The following PIEZO2 variants were observed in gnomAD, a reference collection of about 807,000 sequenced individuals.
The protein encoded by PIEZO2 is piezo type mechanosensitive ion channel component 2.
A neutral mutation model predicts 337.3 loss-of-function variants in PIEZO2; 172 were observed. The observed-to-expected ratio is 0.51, with a 90% CI of 0.45 to 0.58. The LOEUF (loss-of-function observed/expected upper bound fraction) is 0.58. Among genes scored for constraint, PIEZO2 ranks in the 20% least tolerant of loss-of-function variants. The pLI is 0.00. For synonymous variants in PIEZO2, 1,251 were observed against 1,228.5 expected, an observed-to-expected ratio of 1.02 and a Z score of -0.38; for missense variants, 3,028 against 3,391.3, an observed-to-expected ratio of 0.89 and a Z score of 2.66.
chr18:10,828,202 A>G lies in PIEZO2; in HGVS notation c.918-20928T>C, dbSNP rs906620616. ...GTAGTCATAAGTATCACTTAGCTTC[A>G]AAGTTCAACAGTTTGAGACAGGATG... On this transcript the variant is annotated intron_variant, in intron 7 of 55. Coordinates refer to ENST00000674853, the MANE Select transcript of PIEZO2 (RefSeq NM_001378183.1). The surrounding 1 kb of genome is among the most constrained non-coding windows in gnomAD (Gnocchi z 4.1). 2.6e-5 allele frequency among the ~76,000 whole-genome samples: 4 copies of G among 151,750 alleles called. No homozygotes were observed. Among genetic ancestry groups the G allele is most frequent in the African/African-American group, 9.7e-5 (4 of 41,294 alleles).
intron 3 of PIEZO2, among the ~76,000 whole-genome samples, chr18:10,917,131 AGGTC>A (rs199691145): frequency 6.0e-5 from 1 of 16,666 alleles, no homozygotes; most frequent in Non-Finnish European, 1.0e-4. Flanking sequence ...CATAGACAAA[AGGTC>A]GGTCACCCAC....
intron 2 of PIEZO2, among the ~76,000 whole-genome samples, chr18:11,018,162 A>G (rs535181005): frequency 3.8e-4 from 56 of 148,314 alleles, no homozygotes; most frequent in African/African-American, 1.4e-3. Context: ...TTGCAGCTGC[A>G]TTACTCCGGT....
At position 10,862,380 on chromosome 18, in the gene PIEZO2, A is replaced by AG. The variant is rs566934302; in HGVS notation, c.493-5170dup. 2.4e-4 allele frequency among the ~76,000 whole-genome samples: 36 copies of AG among 152,278 alleles called. No homozygotes were observed. The highest frequency in any genetic ancestry group is 7.7e-4 in the African/African-American group (32 of 41,556). ...ACACAAGGCCAGCCTGTTCTCTGTTAGGGCCCTGAATGAGGGCCTAAACAC... is the reference window on the plus strand; with the variant it reads ...ACACAAGGCCAGCCTGTTCTCTGTTAGGGGCCCTGAATGAGGGCCTAAACAC... On this transcript the variant is annotated intron_variant, in intron 5 of 55. Coordinates refer to ENST00000674853, the MANE Select transcript of PIEZO2 (RefSeq NM_001378183.1). This position sits in a 1 kb window ranked among gnomAD's most constrained non-coding sequence, Gnocchi z 4.4.
At chr18:10,720,405 AT>A (rs2036243832) in intron 36 of PIEZO2, among the ~76,000 whole-genome samples, 1 of 11,602 alleles carries the variant, frequency 8.6e-5, no homozygotes, top group Non-Finnish European at 1.5e-4. Flanking sequence ...GTGTGTGTGT[AT>A]GTGTATGTGT....
At chr18:10,740,683 A>G (rs2144148818) in intron 33 of PIEZO2, 1 of 389,272 alleles carries the variant, frequency 2.6e-6, no homozygotes, top group Non-Finnish European at 4.8e-6. Flanking sequence ...ATTTAGCCAT[A>G]AAATATGTAT....
chr18:10,824,506 C>G lies in PIEZO2; in HGVS notation c.918-17232G>C, dbSNP rs1047673841. On this transcript the variant is annotated intron_variant, in intron 7 of 55. Coordinates refer to ENST00000674853, the MANE Select transcript of PIEZO2 (RefSeq NM_001378183.1). The surrounding 1 kb of genome is among the most constrained non-coding windows in gnomAD (Gnocchi z 4.4). ...CTAATAAAATTTTAAATGAACATGA[C>G]AGAGAAATTTAGATTTAGATTTCTA... is the stretch of plus-strand genomic sequence containing the variant. Among the ~76,000 whole-genome samples the G allele has an allele frequency of 3.9e-5, 6 of 151,964 alleles. No individual in the cohort carries two copies. The highest frequency in any genetic ancestry group is 9.7e-5 in the African/African-American group (4 of 41,366).
intron 13 of PIEZO2, among the ~76,000 whole-genome samples, chr18:10,793,242 G>A (rs1024225164): frequency 6.6e-6 from 1 of 150,904 alleles, no homozygotes; most frequent in Admixed American, 6.6e-5. Context: ...CTGGGATACA[G>A]AGCAAAACTC....
At position 10,675,308 on chromosome 18, in the gene PIEZO2, A is replaced by G; in HGVS notation, c.8082-20T>C. 1 of 1,392,074 alleles carries G rather than the reference A, an allele frequency of 7.2e-7. No homozygotes were observed. The highest frequency in any genetic ancestry group is 2.6e-5 in the Admixed American group (1 of 37,932). 86.2% of individuals were successfully genotyped at this position (1,392,074 alleles called of 1,614,324 possible). ...ATGGTCCTGTACATTAAGAAAAAAA[A>G]GATACAATTACGTTTTAGTTGTTTT... On this transcript the variant is annotated intron_variant, in intron 53 of 55. Coordinates refer to ENST00000674853, the MANE Select transcript of PIEZO2 (RefSeq NM_001378183.1).
chr18:10,989,127 G>A (rs1415166288), intron 2 of PIEZO2, among the ~76,000 whole-genome samples: 2 of 152,102 alleles, frequency 1.3e-5, no homozygotes, highest in African/African-American at 2.4e-5. Flanking sequence ...AAGGAAGAGA[G>A]AGGAGACTTT....
At chr18:10,914,824 C>T (rs1336958833) in intron 3 of PIEZO2, among the ~76,000 whole-genome samples, 3 of 152,156 alleles carry the variant, frequency 2.0e-5, no homozygotes, top group Non-Finnish European at 1.5e-5. Context: ...AGTCCAGACA[C>T]GGTAAACAAA....
chr18:10,791,275 T>C lies in PIEZO2; in HGVS notation c.1808A>G (p.Glu603Gly). The change falls in exon 14 of 56, where the codon GAG (glutamate) becomes GGG (glycine). Residue 603 changes from glutamate to glycine, a missense_variant. Physicochemically the swap from Glu to Gly is moderately conservative, Grantham distance 98 (BLOSUM62 -2). Coordinates refer to ENST00000674853, the MANE Select transcript of PIEZO2 (RefSeq NM_001378183.1). ...TTCCTTTTCTTGCAGAGCTTTTTGC[T>C]CTGTGAGGTGCTGCCTCAGCAGTAG... is the stretch of plus-strand genomic sequence containing the variant. ...FWLLLRQHLT[E>G]QKALQEKEAL... The C allele has an allele frequency of 6.5e-7, 1 of 1,535,864 alleles. No individual in the cohort carries two copies. Among genetic ancestry groups the C allele is most frequent in the Non-Finnish European group, 8.7e-7 (1 of 1,146,212 alleles).
rs1022561984 is a variant in PIEZO2 at position 10,802,785 on chromosome 18, C to T, written c.1200+1090G>A. On this transcript the variant is annotated intron_variant, in intron 9 of 55. Coordinates refer to ENST00000674853, the MANE Select transcript of PIEZO2 (RefSeq NM_001378183.1). The stretch of plus-strand genomic sequence containing the variant: ...AGGAGTTCAAGACCAGCCAGGGCAA[C>T]ATGGCAAAACCACATCTCTACTAAA... Among the ~76,000 whole-genome samples the T allele has an allele frequency of 3.9e-5, 6 of 152,176 alleles. No homozygotes were observed. The South Asian group carries it at 8.3e-4, about 21-fold the overall frequency.
chr18:10,811,602 C>T (rs1175869370), intron 7 of PIEZO2, among the ~76,000 whole-genome samples: 1 of 152,174 alleles, frequency 6.6e-6, no homozygotes, highest in Non-Finnish European at 1.5e-5. Flanking sequence ...GCTTGAATCT[C>T]AACATCCATG....
At chr18:10,867,588 A>G (rs2042038390) in intron 5 of PIEZO2, among the ~76,000 whole-genome samples, 1 of 152,202 alleles carries the variant, frequency 6.6e-6, no homozygotes, top group Non-Finnish European at 1.5e-5. Context: ...CTAAGTCATA[A>G]CTGCAAATCC....
Position 10,794,768 on chromosome 18 carries a change from T to C in PIEZO2, c.1758+4A>G. The C allele has an allele frequency of 6.6e-7, 1 of 1,513,992 alleles. No individual in the cohort carries two copies. Among genetic ancestry groups the C allele is most frequent in the Non-Finnish European group, 8.9e-7 (1 of 1,129,556 alleles). 93.8% of individuals were successfully genotyped at this position (1,513,992 alleles called of 1,614,324 possible). On this transcript the variant is annotated splice_donor_region_variant and intron_variant, in intron 13 of 55. Transcript: ENST00000674853. The surrounding 1 kb of genome is among the most constrained non-coding windows in gnomAD (Gnocchi z 6.6). ...TTTTGTTTTATTGTATTCTATTCACTTACTTTGGAAGCAAGTTCTCCTGGC... is the reference window on the plus strand; with the variant it reads ...TTTTGTTTTATTGTATTCTATTCACCTACTTTGGAAGCAAGTTCTCCTGGC...
rs1254541916 is a variant in PIEZO2 at position 10,834,464 on chromosome 18, A to T, written c.917+20889T>A. On this transcript the variant is annotated intron_variant, in intron 7 of 55. Transcript: ENST00000674853. This position sits in a 1 kb window ranked among gnomAD's most constrained non-coding sequence, Gnocchi z 4.5. Reference sequence around the variant, plus strand: ...ACTATGATATTATCACTATTAGCCCAGCCCCACTCTGTGATGCAGGTGCCG... The same window carrying T: ...ACTATGATATTATCACTATTAGCCCTGCCCCACTCTGTGATGCAGGTGCCG... 6.6e-6 allele frequency among the ~76,000 whole-genome samples: 1 copy of T among 152,224 alleles called. No individual in the cohort carries two copies. The highest frequency in any genetic ancestry group is 2.1e-4 in the South Asian group (1 of 4,830).
rs550227527 is a variant in PIEZO2, at chr18:10,858,010, T to TTCTTTC, written c.493-800_493-799insGAAAGA. 7.9e-3 allele frequency among the ~76,000 whole-genome samples: 1,181 copies of TTCTTTC among 149,102 alleles called. 11 individuals are homozygous for TTCTTTC. Among genetic ancestry groups the TTCTTTC allele is most frequent in the African/African-American group, 0.025 (1,017 of 40,406 alleles). ...TCTTTTTTCTTTCTTTCTTTCTTTT[T>TTCTTTC]TTTTTTTTTTAAAGAAATCATAAAT... On this transcript the variant is annotated intron_variant, in intron 5 of 55. Transcript: ENST00000674853.
chr18:10,678,270 T>C (rs1406465067), intron 52 of PIEZO2, among the ~76,000 whole-genome samples: 1 of 152,244 alleles, frequency 6.6e-6, no homozygotes, highest in Non-Finnish European at 1.5e-5. Flanking sequence ...TTAATTGTTC[T>C]GTTTTTTTGT....
rs370577821 is a variant in PIEZO2 at position 10,759,799 on chromosome 18, G to C, written c.3561C>G (p.Ile1187Met). 2.3e-5 allele frequency: 36 copies of C among 1,537,232 alleles called. No homozygotes were observed. Among genetic ancestry groups the C allele is most frequent in the Non-Finnish European group, 3.1e-5 (36 of 1,146,944 alleles). Residue 1187 changes from isoleucine to methionine, a missense_variant, in exon 25 of 56, where the codon ATC becomes ATG. This residue lies in a region of PIEZO2 where 1,925 missense variants were observed against 2,051.9 expected (regional missense o/e 0.94). Coordinates refer to ENST00000674853, the MANE Select transcript of PIEZO2 (RefSeq NM_001378183.1). The surrounding 1 kb of genome is among the most constrained non-coding windows in gnomAD (Gnocchi z 5.5). The part of the protein sequence containing the change: ...AVLYRRRRKA[I>M]AEIWPKYCCF... ...AGCAGTACTTGGGCCAGATCTCTGC[G>C]ATGGCTTTCCTTCTGCGTCTATATA...
Sources: gnomAD v4.1 joint callset for allele counts (sites outside exome capture counted in the v4.1 genomes callset) on GRCh38, gnomAD v4.1.1 for gene constraint, gnomAD v4.1.1 regional missense constraint, Gnocchi (gnomAD v3.1) non-coding constraint, MANE v1.5 for transcripts, NCBI Gene and HGNC (gene_info 2026-07-23, HGNC 2026-07-21) for gene names.